Variants in RARB observed in about 807,000 individuals in gnomAD.
RARB encodes the protein HBV-activated protein.
In RARB, 17 loss-of-function variants were observed where a neutral mutation model predicts 51.9. The observed-to-expected ratio is 0.33, with a 90% CI of 0.22 to 0.49. The LOEUF (loss-of-function observed/expected upper bound fraction) is 0.49, where lower values mean the gene tolerates loss of function less well. Among genes scored for constraint, RARB ranks in the 20% least tolerant of loss-of-function variants. The pLI, the probability that RARB is intolerant of heterozygous loss-of-function variation, is 0.99. For synonymous variants in RARB, 215 were observed against 195.4 expected, an observed-to-expected ratio of 1.10 and a Z score of -0.84; for missense variants, 369 against 550.8, an observed-to-expected ratio of 0.67 and a Z score of 3.30.
intron 3 of RARB, among the ~76,000 whole-genome samples, chr3:25,096,216 G>C (rs905106528): frequency 5.9e-5 from 9 of 152,136 alleles, no homozygotes; most frequent in African/African-American, 1.7e-4. Flanking sequence ...ACTTGGGTTA[G>C]GTTTTGTTGG....
intron 2 of RARB, among the ~76,000 whole-genome samples, chr3:25,028,221 C>T (rs1370815089): frequency 6.6e-6 from 1 of 152,212 alleles, no homozygotes; most frequent in Non-Finnish European, 1.5e-5. Flanking sequence ...CTCAGAACTA[C>T]TGAAGGATAA....
In RARB at chr3:25,321,515, C is replaced by G. The variant is rs150007661; in HGVS notation, c.179-139678C>G. On this transcript the variant is annotated intron_variant, in intron 5 of 11. Transcript: ENST00000383772. ...GTCCAGTCACCTGAGGTTAGGTGTT[C>G]GAGACCAGCCCAGATGACATGGCGA... Among the ~76,000 whole-genome samples, 1,481 of 151,802 alleles carry G rather than the reference C, an allele frequency of 9.8e-3. 12 individuals are homozygous for G. Among genetic ancestry groups the G allele is most frequent in the Middle Eastern group, 0.058 (17 of 294 alleles).
intron 2 of RARB, among the ~76,000 whole-genome samples, chr3:25,466,762 G>A (rs75857886): frequency 0.12 from 17,712 of 152,214 alleles, 1,055 homozygotes; most frequent in African/African-American, 0.14. Flanking sequence ...GGGCTATGTG[G>A]TCTTTGCTGC....
chr3:24,864,088 C>T (rs1437323214), intron 2 of RARB, among the ~76,000 whole-genome samples: 1 of 152,186 alleles, frequency 6.6e-6, no homozygotes, highest in Non-Finnish European at 1.5e-5. Context: ...AACTTTTGCT[C>T]CTCTATCCTT....
intron 2 of RARB, among the ~76,000 whole-genome samples, chr3:24,955,953 A>G (rs1182825660): frequency 6.6e-6 from 1 of 152,152 alleles, no homozygotes; most frequent in African/African-American, 2.4e-5. Flanking sequence ...CTGACCTGGA[A>G]TCTTTCTTGG....
At chr3:25,072,165 G>C (rs188617976) in intron 3 of RARB, among the ~76,000 whole-genome samples, 45 of 152,284 alleles carry the variant, frequency 3.0e-4, no homozygotes, top group African/African-American at 1.0e-3. Flanking sequence ...TCCTCTCATT[G>C]CCTCAAAATT....
chr3:25,144,976 A>G (rs1003217882), intron 4 of RARB, among the ~76,000 whole-genome samples: 3 of 152,164 alleles, frequency 2.0e-5, no homozygotes, highest in Admixed American at 6.5e-5. Context: ...TGGAATGCAG[A>G]TTGACTAGAG....
intron 4 of RARB, among the ~76,000 whole-genome samples, chr3:25,147,171 C>A (rs917093500): frequency 6.6e-6 from 1 of 152,144 alleles, no homozygotes; most frequent in African/African-American, 2.4e-5. Context: ...AATTTTGATT[C>A]AGTTTTGGGT....
chr3:25,524,338 A>G (rs1289598168), intron 3 of RARB, among the ~76,000 whole-genome samples: 2 of 152,180 alleles, frequency 1.3e-5, no homozygotes, highest in Non-Finnish European at 2.9e-5. Context: ...CAAACTGTTC[A>G]GAAAGTACTT....
intron 5 of RARB, among the ~76,000 whole-genome samples, chr3:25,207,884 C>T (rs993546521): frequency 3.9e-5 from 6 of 152,142 alleles, no homozygotes; most frequent in African/African-American, 1.4e-4. Flanking sequence ...GCTCACAGTT[C>T]CAGTCCTGTA....
At chr3:25,245,273 C>T (rs1022239313) in intron 5 of RARB, among the ~76,000 whole-genome samples, 3 of 151,978 alleles carry the variant, frequency 2.0e-5, no homozygotes, top group Non-Finnish European at 4.4e-5. Context: ...CCAATTTGTG[C>T]CTTTTAATTG....
intron 2 of RARB, among the ~76,000 whole-genome samples, chr3:24,894,088 A>C (rs1703435984): frequency 6.6e-6 from 1 of 152,160 alleles, no homozygotes; most frequent in African/African-American, 2.4e-5. Context: ...GTCTTTGAGA[A>C]TCTTTATGTG....
In RARB at chr3:24,914,463, GAT is replaced by G. The variant is rs538749976; in HGVS notation, c.-380+55712_-380+55713del. ...GTAATTCAACCTTCCGGATTTGATA[GAT>G]GGAACATCTTCTGCCAATTATGTGT... On this transcript the variant is annotated intron_variant, in intron 2 of 11. Coordinates refer to the RARB transcript ENST00000383772. 3.8e-3 allele frequency among the ~76,000 whole-genome samples: 579 copies of G among 152,214 alleles called. 5 individuals are homozygous for G. The highest frequency in any genetic ancestry group is 0.013 in the African/African-American group (543 of 41,524).
At chr3:25,585,879 C>T (rs1401817630) in intron 5 of RARB, among the ~76,000 whole-genome samples, 1 of 152,178 alleles carries the variant, frequency 6.6e-6, no homozygotes, top group Non-Finnish European at 1.5e-5. Flanking sequence ...ATGTTGAACC[C>T]AGGCAAGCTG....
At chr3:25,332,959 C>A (rs1704948809) in intron 5 of RARB, among the ~76,000 whole-genome samples, 1 of 152,032 alleles carries the variant, frequency 6.6e-6, no homozygotes, top group Admixed American at 6.6e-5. Flanking sequence ...CCTAGGAATC[C>A]AACGTACAAG....
chr3:25,050,489 G>A lies in RARB; in HGVS notation c.-379-9636G>A, dbSNP rs909085831. On this transcript the variant is annotated intron_variant, in intron 2 of 11. Transcript: ENST00000383772. ...ACACGAGTGAAGTGATTTGATTTTC[G>A]AGAAAAAGTATTATGTGTATTCACT... Among the ~76,000 whole-genome samples the A allele has an allele frequency of 6.6e-5, 10 of 151,686 alleles. No homozygotes were observed. The East Asian group carries it at 1.2e-3, about 18-fold the overall frequency.
chr3:25,159,073 G>A (rs987183114), intron 4 of RARB, among the ~76,000 whole-genome samples: 1 of 150,224 alleles, frequency 6.7e-6, no homozygotes, highest in African/African-American at 2.4e-5. Flanking sequence ...AAAAGAAAAT[G>A]ATATTTGATG....
intron 2 of RARB, among the ~76,000 whole-genome samples, chr3:25,472,654 G>C (rs1285314195): frequency 6.6e-6 from 1 of 152,156 alleles, no homozygotes; most frequent in African/African-American, 2.4e-5. Flanking sequence ...TACTGAAATG[G>C]TTACTGTGAG....
chr3:25,251,279 CAT>C (rs1702712391), intron 5 of RARB, among the ~76,000 whole-genome samples: 3 of 151,726 alleles, frequency 2.0e-5, no homozygotes, highest in Admixed American at 6.6e-5. Context: ...ACAAGATGGG[CAT>C]TTGGATTGTT....
Sources: allele counts gnomAD v4.1 joint callset (sites outside exome capture counted in the v4.1 genomes callset), GRCh38; gene constraint gnomAD v4.1.1; transcripts MANE v1.5; gene names NCBI Gene and HGNC (gene_info 2026-07-23, HGNC 2026-07-21).